GBE1: variants seen among roughly 807,000 people sequenced by gnomAD.
The protein encoded by GBE1 is 1,4-alpha-glucan-branching enzyme.
Under a neutral mutation model 88.8 loss-of-function variants are expected in GBE1, and 70 were observed. The observed-to-expected ratio is 0.79, with a 90% CI of 0.65 to 0.96. The LOEUF is 0.96. Ranked by LOEUF, GBE1 falls within the 40% of genes least tolerant of loss-of-function variation. GBE1 has a pLI of 0.00. For synonymous variants in GBE1, 284 were observed against 300.1 expected (o/e 0.95, Z 0.56); for missense variants, 872 against 871.0 (o/e 1.00, Z -0.01).
At chr3:81,717,289 C>G (rs1277845328) in intron 1 of GBE1, among the ~76,000 whole-genome samples, 1 of 152,152 alleles carries the variant, frequency 6.6e-6, no homozygotes, top group Non-Finnish European at 1.5e-5. Flanking sequence ...GGAAAAATTA[C>G]GTGGCAAAGA....
chr3:81,707,372 A>C (rs1705792313), intron 1 of GBE1, among the ~76,000 whole-genome samples: 1 of 152,070 alleles, frequency 6.6e-6, no homozygotes, highest in African/African-American at 2.4e-5. Flanking sequence ...TCAAATTTAA[A>C]ATTGAGTTTT....
intron 3 of GBE1, among the ~76,000 whole-genome samples, chr3:81,653,194 T>C (rs959954208): frequency 2.6e-5 from 4 of 152,150 alleles, no homozygotes; most frequent in African/African-American, 9.7e-5. Flanking sequence ...TCAGGCACAG[T>C]GGCTCACACC....
chr3:81,606,515 T>A (rs192765773), intron 7 of GBE1, among the ~76,000 whole-genome samples: 1 of 152,380 alleles, frequency 6.6e-6, no homozygotes, highest in East Asian at 1.9e-4. Context: ...TCCACAGTCC[T>A]GGTTACAGGT....
intron 12 of GBE1, among the ~76,000 whole-genome samples, chr3:81,571,933 T>A (rs1365779021): frequency 6.6e-6 from 1 of 152,168 alleles, no homozygotes; most frequent in African/African-American, 2.4e-5. Flanking sequence ...AGAGACTTGA[T>A]TACTTGAGAA....
rs80338673 is a variant in GBE1, at chr3:81,577,972, C to T, written c.1571G>A (p.Arg524Gln). 11 of 1,608,036 alleles carry T rather than the reference C, an allele frequency of 6.8e-6. No homozygotes were observed. The highest frequency in any genetic ancestry group is 1.3e-5 in the African/African-American group (1 of 74,582). Residue 524 changes from arginine to glutamine, a missense_variant, in exon 12 of 16, where the codon CGA becomes CAA. Arg to Gln is a conservative substitution (Grantham distance 43, BLOSUM62 1). Coordinates refer to ENST00000429644, the MANE Select transcript of GBE1 (RefSeq NM_000158.4). ...DRGIQLHKMI[R>Q]LITHGLGGEG... ...TCCACCAAGCCCATGCGTAATGAGT[C>T]GAATCATTTTATGAAGCTGTATTCC...
chr3:81,523,130 T>C (rs1471440092), intron 14 of GBE1, among the ~76,000 whole-genome samples: 1 of 150,874 alleles, frequency 6.6e-6, no homozygotes, highest in Non-Finnish European at 1.5e-5. Flanking sequence ...TCTTGCTGAC[T>C]TATGGGGGTC....
At chr3:81,635,061 A>G (rs577953303) in intron 7 of GBE1, among the ~76,000 whole-genome samples, 24 of 152,292 alleles carry the variant, frequency 1.6e-4, no homozygotes, top group African/African-American at 5.5e-4. Flanking sequence ...CAACTTGGCT[A>G]TCATGCTGTT....
chr3:81,636,512 T>A (rs1169887758), intron 7 of GBE1, among the ~76,000 whole-genome samples: 1 of 151,928 alleles, frequency 6.6e-6, no homozygotes, highest in Non-Finnish European at 1.5e-5. Flanking sequence ...TGTCTTTTAA[T>A]CATCCATCAT....
At chr3:81,500,029 T>C (rs1702565737) in intron 14 of GBE1, among the ~76,000 whole-genome samples, 1 of 152,178 alleles carries the variant, frequency 6.6e-6, no homozygotes, top group African/African-American at 2.4e-5. Flanking sequence ...ATCTCAGAAA[T>C]GTTAGTATAT....
intron 2 of GBE1, among the ~76,000 whole-genome samples, chr3:81,672,963 G>A (rs960236203): frequency 2.0e-5 from 3 of 151,888 alleles, no homozygotes; most frequent in African/African-American, 7.2e-5. Flanking sequence ...TTAAATAAAG[G>A]TTCTTCTAAA....
chr3:81,507,661 C>G (rs1559627621), intron 14 of GBE1, among the ~76,000 whole-genome samples: 1 of 149,256 alleles, frequency 6.7e-6, no homozygotes, highest in East Asian at 2.0e-4. Flanking sequence ...TTTCTTTATA[C>G]ATATATGTGT....
At chr3:81,636,541 T>A (rs1479406524) in intron 7 of GBE1, among the ~76,000 whole-genome samples, 1 of 151,980 alleles carries the variant, frequency 6.6e-6, no homozygotes, top group Non-Finnish European at 1.5e-5. Flanking sequence ...TGGCTTTTTT[T>A]TTTTTTGAAA....
At chr3:81,707,772 T>C (rs757199340) in intron 1 of GBE1, among the ~76,000 whole-genome samples, 31 of 152,050 alleles carry the variant, frequency 2.0e-4, no homozygotes, top group Non-Finnish European at 3.8e-4. Flanking sequence ...TGTATACGAA[T>C]TCCAATAATT....
chr3:81,639,889 C>A (rs1040623394), intron 7 of GBE1, among the ~76,000 whole-genome samples: 1 of 152,050 alleles, frequency 6.6e-6, no homozygotes, highest in Admixed American at 6.6e-5. Context: ...ATATGAGCCA[C>A]CCCAGGGGAC....
At chr3:81,657,935 C>T (rs568036405) in intron 3 of GBE1, among the ~76,000 whole-genome samples, 1 of 152,120 alleles carries the variant, frequency 6.6e-6, no homozygotes, top group African/African-American at 2.4e-5. Flanking sequence ...TGCCCCTGAG[C>T]TCTTATATTA....
At position 81,575,518 on chromosome 3, in the gene GBE1, G is replaced by A. The variant is rs139356115; in HGVS notation, c.1618+2407C>T. 1.8e-3 allele frequency among the ~76,000 whole-genome samples: 274 copies of A among 152,094 alleles called. 1 individual carries two copies. The highest frequency in any genetic ancestry group is 3.1e-3 in the Non-Finnish European group (209 of 67,956). ...CTGAATGCCTGACAAATAAATTTACGTAAACATGTTTTTATAAAAATATGT... is the reference window on the plus strand; with the variant it reads ...CTGAATGCCTGACAAATAAATTTACATAAACATGTTTTTATAAAAATATGT... On this transcript the variant is annotated intron_variant, in intron 12 of 15. Transcript: ENST00000429644.
intron 3 of GBE1, among the ~76,000 whole-genome samples, chr3:81,655,675 C>T (rs55949603): frequency 0.017 from 2,560 of 151,978 alleles, 70 homozygotes; most frequent in African/African-American, 0.057. Flanking sequence ...TGCCACCACG[C>T]CCAGATACTT....
In GBE1 at chr3:81,750,493, A is replaced by T. The variant is rs138664516; in HGVS notation, c.143+10882T>A. On this transcript the variant is annotated intron_variant, in intron 1 of 15. Transcript: ENST00000429644. ...AAGATAAGATGAAAAAATTATTAGT[A>T]ATTAAGAAACCAATTTCATCTCAAA... Among the ~76,000 whole-genome samples the T allele has an allele frequency of 3.6e-3, 514 of 141,978 alleles. 10 individuals are homozygous for T. Among genetic ancestry groups the T allele is most frequent in the Middle Eastern group, 0.014 (4 of 278 alleles). 93.1% of individuals were successfully genotyped at this position (141,978 alleles called of 152,430 possible).
rs994618247 is a variant in GBE1, at chr3:81,625,524, G to A, written c.992+17257C>T. On this transcript the variant is annotated intron_variant, in intron 7 of 15. Transcript: ENST00000429644. ...CATGATCATAGCTCACTGCAGCCTC[G>A]GACTCTTGGGCTCAAGCAATCCTCC... is the stretch of plus-strand genomic sequence containing the variant. Among the ~76,000 whole-genome samples the A allele has an allele frequency of 1.6e-4, 24 of 151,782 alleles. No homozygotes were observed. In the East Asian group the frequency reaches 3.5e-3, roughly 22 times the overall value.
Sources: allele counts gnomAD v4.1 joint callset (sites outside exome capture counted in the v4.1 genomes callset), GRCh38; gene constraint gnomAD v4.1.1; transcripts MANE v1.5; gene names NCBI Gene and HGNC (gene_info 2026-07-23, HGNC 2026-07-21).